The following OXCT1 variants were observed in gnomAD, a reference collection of about 807,000 sequenced individuals.
OXCT1 encodes succinyl-CoA:3-ketoacid coenzyme A transferase 1, mitochondrial.
In OXCT1, 27 loss-of-function variants were observed where a neutral mutation model predicts 69.6. The ratio of observed to expected loss-of-function variants is 0.39; its 90% CI spans 0.29 to 0.54. The LOEUF is 0.54. Ranked by LOEUF, OXCT1 falls within the 20% of genes least tolerant of loss-of-function variation. The pLI is 0.72. For synonymous variants in OXCT1, 202 were observed against 217.8 expected (o/e 0.93, Z 0.64); for missense variants, 437 against 650.2 (o/e 0.67, Z 3.57).
chr5:41,731,715 C>A lies in OXCT1; in HGVS notation c.*14G>T. ...AAAATGAAAAACACGCAGCCTGGTA[C>A]AAATATCCATATTTCAATTTGCGAT... On this transcript the variant is annotated 3_prime_UTR_variant, in exon 17 of 17. Coordinates refer to ENST00000196371, the MANE Select transcript of OXCT1 (RefSeq NM_000436.4). The A allele has an allele frequency of 3.1e-6, 5 of 1,603,948 alleles. No homozygotes were observed. The highest frequency in any genetic ancestry group is 4.3e-6 in the Non-Finnish European group (5 of 1,174,824).
intron 13 of OXCT1, among the ~76,000 whole-genome samples, chr5:41,781,775 G>T (rs1278940830): frequency 6.6e-6 from 1 of 152,170 alleles, no homozygotes; most frequent in Non-Finnish European, 1.5e-5. Flanking sequence ...TCCCTGCAAA[G>T]AACATGATCT....
At chr5:41,765,410 A>C (rs1386650503) in intron 13 of OXCT1, among the ~76,000 whole-genome samples, 1 of 152,172 alleles carries the variant, frequency 6.6e-6, no homozygotes, top group East Asian at 1.9e-4. Flanking sequence ...CATCTGTTGC[A>C]CAGCCCACTT....
chr5:41,858,135 T>C (rs1579895716), intron 3 of OXCT1, among the ~76,000 whole-genome samples: 2 of 152,280 alleles, frequency 1.3e-5, no homozygotes, highest in Middle Eastern at 3.4e-3. Context: ...TATCCTGGCA[T>C]AGCAATCAAG....
chr5:41,735,942 G>T (rs1193841038), intron 16 of OXCT1, among the ~76,000 whole-genome samples: 2 of 152,180 alleles, frequency 1.3e-5, no homozygotes, highest in Non-Finnish European at 2.9e-5. Flanking sequence ...GGGAGGCCTG[G>T]GTTTCTCTGG....
chr5:41,737,915 C>A (rs963583053), intron 16 of OXCT1, among the ~76,000 whole-genome samples: 1 of 152,054 alleles, frequency 6.6e-6, no homozygotes, highest in Non-Finnish European at 1.5e-5. Flanking sequence ...ATTAGCCGGG[C>A]GTGGCGGCAT....
In OXCT1 at chr5:41,861,359, A is replaced by C. The variant is rs1254457952; in HGVS notation, c.233T>G (p.Leu78Arg). Residue 78 changes from leucine (L) to arginine (R), a missense_variant, in exon 3 of 17, where the codon CTG becomes CGG. By Grantham distance (102) the Leu-to-Arg change is moderately radical (BLOSUM62 -2). Coordinates refer to ENST00000196371, the MANE Select transcript of OXCT1 (RefSeq NM_000436.4). ...AGTTAGTCCTTTTACTCCAGTTTTC[A>C]GTAAAGCATCTATAAGATTCTCTGG... ...GIPENLIDAL[L>R]KTGVKGLTAV... 1.2e-6 allele frequency: 2 copies of C among 1,612,980 alleles called. No individual in the cohort carries two copies. Among genetic ancestry groups the C allele is most frequent in the Non-Finnish European group, 1.7e-6 (2 of 1,179,196 alleles).
chr5:41,827,947 C>G (rs180723368), intron 7 of OXCT1, among the ~76,000 whole-genome samples: 3 of 152,292 alleles, frequency 2.0e-5, no homozygotes, highest in Admixed American at 2.0e-4. Flanking sequence ...TCCCAAACCC[C>G]AAGAACACAG....
intron 13 of OXCT1, among the ~76,000 whole-genome samples, chr5:41,773,067 C>G (rs1744952638): frequency 6.6e-6 from 1 of 152,136 alleles, no homozygotes; most frequent in African/African-American, 2.4e-5. Context: ...AACACCAAAA[C>G]CAGTTAAAAG....
At chr5:41,774,028 T>C (rs1234040408) in intron 13 of OXCT1, among the ~76,000 whole-genome samples, 2 of 152,226 alleles carry the variant, frequency 1.3e-5, no homozygotes, top group East Asian at 1.9e-4. Flanking sequence ...CATTACTATA[T>C]AGCTATATGA....
At chr5:41,818,789 A>C (rs1004469465) in intron 7 of OXCT1, among the ~76,000 whole-genome samples, 9 of 152,164 alleles carry the variant, frequency 5.9e-5, no homozygotes, top group Non-Finnish European at 1.2e-4. Flanking sequence ...AAAAATTAAC[A>C]AAAGGGGTCA....
At chr5:41,821,244 T>C (rs1404591685) in intron 7 of OXCT1, among the ~76,000 whole-genome samples, 1 of 152,216 alleles carries the variant, frequency 6.6e-6, no homozygotes, top group Non-Finnish European at 1.5e-5. Context: ...GGGACACACA[T>C]GCAGTCACTT....
intron 7 of OXCT1, among the ~76,000 whole-genome samples, chr5:41,836,654 G>A (rs962774338): frequency 6.6e-6 from 1 of 152,010 alleles, no homozygotes; most frequent in African/African-American, 2.4e-5. Flanking sequence ...CATAAGGAGC[G>A]AGCAACCTAG....
intron 15 of OXCT1, among the ~76,000 whole-genome samples, chr5:41,744,374 T>C (rs1743358887): frequency 6.6e-6 from 1 of 152,142 alleles, no homozygotes; most frequent in African/African-American, 2.4e-5. Flanking sequence ...GCTGAGATGA[T>C]AGGGTTTTCT....
chr5:41,733,560 C>T (rs1237169518), intron 16 of OXCT1, among the ~76,000 whole-genome samples: 2 of 152,080 alleles, frequency 1.3e-5, no homozygotes, highest in Non-Finnish European at 2.9e-5. Flanking sequence ...TTTAGTGAAA[C>T]TTTTTTACTA....
chr5:41,855,633 T>C (rs1261369943), intron 3 of OXCT1, among the ~76,000 whole-genome samples: 1 of 152,194 alleles, frequency 6.6e-6, no homozygotes, highest in Non-Finnish European at 1.5e-5. Context: ...TGTTAATTCA[T>C]CTAAAACTCC....
intron 13 of OXCT1, among the ~76,000 whole-genome samples, chr5:41,789,617 G>T (rs955250110): frequency 6.6e-6 from 1 of 152,164 alleles, no homozygotes; most frequent in Non-Finnish European, 1.5e-5. Flanking sequence ...AAAGTTTTAT[G>T]AGCTTTCCAC....
At chr5:41,864,910 A>C in intron 1 of OXCT1, among the ~76,000 whole-genome samples, 1 of 152,194 alleles carries the variant, frequency 6.6e-6, no homozygotes, top group East Asian at 1.9e-4. Context: ...GAAGGGGAAG[A>C]AAATTAAAGA....
At chr5:41,807,634 A>T (rs577260385) in intron 7 of OXCT1, among the ~76,000 whole-genome samples, 196 bp from the exon 8 acceptor site, 5 of 152,214 alleles carry the variant, frequency 3.3e-5, no homozygotes, top group African/African-American at 1.2e-4. Context: ...AAGAGAAGAA[A>T]TTAAAGTGTA....
At chr5:41,806,931 G>A (rs2112277412) in intron 8 of OXCT1, among the ~76,000 whole-genome samples, 1 of 152,056 alleles carries the variant, frequency 6.6e-6, no homozygotes, top group East Asian at 1.9e-4. Context: ...CTCTAGAAAA[G>A]TGCAAAGCAC....
Sources: allele counts gnomAD v4.1 joint callset (sites outside exome capture counted in the v4.1 genomes callset), GRCh38; gene constraint gnomAD v4.1.1; transcripts MANE v1.5; gene names NCBI Gene and HGNC (gene_info 2026-07-23, HGNC 2026-07-21).